CNTNAP2: variants seen among roughly 807,000 people sequenced by gnomAD.
CNTNAP2 encodes contactin-associated protein-like 2.
In CNTNAP2, 98 loss-of-function variants were observed where a neutral mutation model predicts 155.2. The observed-to-expected ratio is 0.63, with a 90% CI of 0.54 to 0.75. CNTNAP2 has a LOEUF of 0.75. Ranked by LOEUF, CNTNAP2 falls within the 30% of genes least tolerant of loss-of-function variation. The pLI is 0.00. For missense variants in CNTNAP2, 1,727 were observed against 1,688.1 expected, an observed-to-expected ratio of 1.02 and a Z score of -0.40; for synonymous variants, 651 against 631.2, an observed-to-expected ratio of 1.03 and a Z score of -0.47.
Position 147,464,495 on chromosome 7 carries a change from G to A in CNTNAP2, c.1671-21440G>A, listed in dbSNP as rs115271546. Among the ~76,000 whole-genome samples, 1,041 of 148,542 alleles carry A rather than the reference G, an allele frequency of 7.0e-3. 17 individuals carry two copies. Among genetic ancestry groups the A allele is most frequent in the African/African-American group, 0.023 (947 of 40,344 alleles). ...AAAAAAAAAAAAAAAAAAAAAGTGCGTGTTTGTGCCCAAGTCCTGACTGTG... is the reference window on the plus strand; with the variant it reads ...AAAAAAAAAAAAAAAAAAAAAGTGCATGTTTGTGCCCAAGTCCTGACTGTG... On this transcript the variant is annotated intron_variant, in intron 10 of 23. Coordinates refer to ENST00000361727, the MANE Select transcript of CNTNAP2 (RefSeq NM_014141.6).
intron 1 of CNTNAP2, among the ~76,000 whole-genome samples, chr7:146,427,977 G>A (rs551915974): frequency 5.9e-5 from 9 of 152,086 alleles, no homozygotes; most frequent in African/African-American, 1.2e-4. Flanking sequence ...CCACGTATGC[G>A]TGAGAACATG....
intron 13 of CNTNAP2, among the ~76,000 whole-genome samples, chr7:147,669,725 C>A (rs1436695739): frequency 6.6e-6 from 1 of 152,218 alleles, no homozygotes; most frequent in African/African-American, 2.4e-5. Flanking sequence ...TCTTTTGTTT[C>A]CCATTGGCAC....
chr7:146,204,672 A>G (rs749499627), intron 1 of CNTNAP2, among the ~76,000 whole-genome samples: 2 of 152,218 alleles, frequency 1.3e-5, no homozygotes, highest in African/African-American at 4.8e-5. Context: ...TGTTTCAACC[A>G]TAGAGTTAAA....
rs999537232 is a variant in CNTNAP2, at chr7:147,851,108, G to A, written c.2099-52457G>A. On this transcript the variant is annotated intron_variant, in intron 13 of 23. Transcript: ENST00000361727. ...CAAACAACCCCATCAACAAGTGGGC[G>A]AAGGACATGAACAGACACTTCTCAA... 2.2e-3 allele frequency among the ~76,000 whole-genome samples: 332 copies of A among 152,222 alleles called. 2 individuals are homozygous for A. Among genetic ancestry groups the A allele is most frequent in the Middle Eastern group, 6.8e-3 (2 of 294 alleles).
At chr7:147,331,493 G>A (rs1002594717) in intron 9 of CNTNAP2, among the ~76,000 whole-genome samples, 2 of 152,002 alleles carry the variant, frequency 1.3e-5, no homozygotes, top group Non-Finnish European at 2.9e-5. Flanking sequence ...ATTAGCCGTG[G>A]CAACAATAGT....
At chr7:147,781,895 C>T (rs1027172418) in intron 13 of CNTNAP2, among the ~76,000 whole-genome samples, 3 of 151,992 alleles carry the variant, frequency 2.0e-5, no homozygotes, top group Non-Finnish European at 2.9e-5. Context: ...TGGCGGCGGG[C>T]GCCTGTAGTC....
intron 13 of CNTNAP2, among the ~76,000 whole-genome samples, chr7:147,815,417 C>G (rs1798248576): frequency 6.6e-6 from 1 of 152,148 alleles, no homozygotes; most frequent in African/African-American, 2.4e-5. Context: ...TCCTTGCTGG[C>G]TGTCAACAGG....
At chr7:148,292,822 C>T (rs1797211829) in intron 21 of CNTNAP2, among the ~76,000 whole-genome samples, 1 of 152,186 alleles carries the variant, frequency 6.6e-6, no homozygotes, top group Non-Finnish European at 1.5e-5. Flanking sequence ...TCCACCCCAA[C>T]ATCTGGTCTC....
At chr7:147,678,262 A>G (rs577775287) in intron 13 of CNTNAP2, among the ~76,000 whole-genome samples, 34 of 151,790 alleles carry the variant, frequency 2.2e-4, no homozygotes, top group Non-Finnish European at 4.1e-4. Context: ...TACCAGGGCC[A>G]TGTTCTTAGC....
At chr7:147,143,393 TG>T (rs1482847155) in intron 8 of CNTNAP2, among the ~76,000 whole-genome samples, 1 of 152,224 alleles carries the variant, frequency 6.6e-6, no homozygotes, top group African/African-American at 2.4e-5. Flanking sequence ...TTTAAATTAT[TG>T]TTTACATTTG....
At chr7:147,185,114 G>A (rs879492753) in intron 8 of CNTNAP2, among the ~76,000 whole-genome samples, 19 of 151,986 alleles carry the variant, frequency 1.3e-4, no homozygotes, top group African/African-American at 3.9e-4. Flanking sequence ...ATTACAAAAG[G>A]AAGGCTAAAA....
rs76037013 is a variant in CNTNAP2, at chr7:148,182,531, C to A, written c.3010+10053C>A. Among the ~76,000 whole-genome samples, 375 of 152,306 alleles carry A rather than the reference C, an allele frequency of 2.5e-3. 3 individuals are homozygous for A. The highest frequency in any genetic ancestry group is 8.2e-3 in the African/African-American group (339 of 41,584). On this transcript the variant is annotated intron_variant, in intron 18 of 23. Coordinates refer to ENST00000361727, the MANE Select transcript of CNTNAP2 (RefSeq NM_014141.6). ...GCAACTGGGCTCATTCCAGGCATTC[C>A]TTGGCTACAGGAAATTTACTTTCTT...
intron 22 of CNTNAP2, among the ~76,000 whole-genome samples, chr7:148,385,990 AAGTGCTAGGATTACAG>A (rs1799185881): frequency 3.9e-5 from 6 of 152,172 alleles, no homozygotes; most frequent in Non-Finnish European, 7.4e-5. Context: ...AGGCCTCCCA[AAGTGCTAGGATTACAG>A]AGTGCTAGGA....
At chr7:147,617,810 G>T (rs1308057172) in intron 12 of CNTNAP2, among the ~76,000 whole-genome samples, 2 of 152,130 alleles carry the variant, frequency 1.3e-5, no homozygotes, top group African/African-American at 4.8e-5. Flanking sequence ...TGCCCTCCAA[G>T]ATCACATTAT....
At chr7:148,104,113 CTCTT>C (rs1425750684) in intron 15 of CNTNAP2, among the ~76,000 whole-genome samples, 3 of 152,154 alleles carry the variant, frequency 2.0e-5, no homozygotes, top group African/African-American at 7.2e-5. Flanking sequence ...TTCCTCGTCT[CTCTT>C]TCTTTGCACT....
At chr7:148,073,860 A>T (rs1468583803) in intron 15 of CNTNAP2, among the ~76,000 whole-genome samples, 2 of 152,034 alleles carry the variant, frequency 1.3e-5, no homozygotes, top group Non-Finnish European at 2.9e-5. Context: ...TATTCACAAG[A>T]TTTGAAACCC....
intron 2 of CNTNAP2, among the ~76,000 whole-genome samples, chr7:146,813,197 C>T (rs1208892387): frequency 1.3e-5 from 2 of 152,148 alleles, no homozygotes; most frequent in East Asian, 3.9e-4. Flanking sequence ...AGAAGAGGAC[C>T]ACTGTCCTCT....
intron 8 of CNTNAP2, among the ~76,000 whole-genome samples, chr7:147,193,335 C>G (rs559017420): frequency 2.0e-5 from 3 of 152,184 alleles, no homozygotes; most frequent in Non-Finnish European, 4.4e-5. Context: ...CTAAGCCTGT[C>G]GAACAGGCTG....
At chr7:147,242,015 G>C (rs921365289) in intron 8 of CNTNAP2, among the ~76,000 whole-genome samples, 3 of 151,972 alleles carry the variant, frequency 2.0e-5, no homozygotes, top group African/African-American at 7.3e-5. Context: ...TTATTTCTTC[G>C]CACCATGCAA....
Sources: allele counts gnomAD v4.1 joint callset (sites outside exome capture counted in the v4.1 genomes callset), GRCh38; gene constraint gnomAD v4.1.1; transcripts MANE v1.5; gene names NCBI Gene and HGNC (gene_info 2026-07-23, HGNC 2026-07-21).